CDKL1: variants seen among roughly 807,000 people sequenced by gnomAD.
The protein encoded by CDKL1 is cyclin-dependent kinase-like 1.
A neutral mutation model predicts 42.0 loss-of-function variants in CDKL1; 41 were observed. The ratio of observed to expected loss-of-function variants is 0.98; its 90% CI spans 0.76 to 1.27. CDKL1 has a LOEUF of 1.27. CDKL1 is among the 50% of genes most tolerant of loss of function. The probability of loss-of-function intolerance (pLI) is 0.00; values close to 1 mark genes in which losing one functional copy is unlikely to be tolerated. For synonymous variants in CDKL1, 153 were observed against 158.6 expected, an observed-to-expected ratio of 0.96 and a Z score of 0.26; for missense variants, 394 against 428.4, an observed-to-expected ratio of 0.92 and a Z score of 0.71.
rs772813990 is a variant in CDKL1, at chr14:50,341,074, TTCCTGGCCACAGAGGCAC to T, written c.595_612del (p.Val199_Gly204del). On this transcript the variant is annotated inframe_deletion, in exon 6 of 10. Transcript: ENST00000395834. Reference sequence around the variant, plus strand: ...AGATACAGCTGATCCACATCCGATTTTCCTGGCCACAGAGGCACTCCTGACAGCAGCTCAGCAAAGACA... The same window carrying T: ...AGATACAGCTGATCCACATCCGATTTTCCTGACAGCAGCTCAGCAAAGACA... The T allele has an allele frequency of 2.5e-6, 4 of 1,613,956 alleles. No homozygotes were observed. In the African/African-American group the frequency reaches 5.3e-5, roughly 22 times the overall value.
At chr14:50,340,956 GAGAA>G in intron 6 of CDKL1, 72 bp downstream of exon 6, 1 of 1,522,290 alleles carries the variant, frequency 6.6e-7, no homozygotes, top group Non-Finnish European at 8.9e-7. Context: ...AGGTGAGACT[GAGAA>G]CTTGGCTCTG....
chr14:50,346,677 G>A (rs1472863408), intron 3 of CDKL1, among the ~76,000 whole-genome samples: 1 of 144,216 alleles, frequency 6.9e-6, no homozygotes, highest in Non-Finnish European at 1.5e-5. Flanking sequence ...TTGAGATGGA[G>A]TCTTGCTCTG....
At chr14:50,375,204 C>A (rs2034696230) in intron 2 of CDKL1, among the ~76,000 whole-genome samples, 1 of 151,892 alleles carries the variant, frequency 6.6e-6, no homozygotes, top group African/African-American at 2.4e-5. Context: ...GTGTTAAAAC[C>A]CAAACCAAAG....
intron 3 of CDKL1, among the ~76,000 whole-genome samples, chr14:50,349,281 A>C (rs1206021474): frequency 6.6e-6 from 1 of 152,242 alleles, no homozygotes; most frequent in Non-Finnish European, 1.5e-5. Context: ...AAACAAGCCT[A>C]TATCCAAACA....
intron 2 of CDKL1, among the ~76,000 whole-genome samples, chr14:50,394,415 A>G (rs943054491): frequency 2.6e-5 from 4 of 152,196 alleles, no homozygotes; most frequent in Non-Finnish European, 4.4e-5. Context: ...CTAAATAGAG[A>G]AGTTGCCCTG....
rs2032747335 is a variant in CDKL1 at position 50,327,419 on chromosome 14, A to G, written c.*2655T>C. On this transcript the variant is annotated 3_prime_UTR_variant, in exon 10 of 10. Coordinates refer to ENST00000395834, the MANE Select transcript of CDKL1 (RefSeq NM_004196.7). ...ATGGCCCTGATTCTATTACTCTTAT[A>G]TGCCAGTTTGTTTATAGATTTCTGT... The G allele has an allele frequency of 6.8e-6, 1 of 146,904 alleles. No homozygotes were observed. The highest frequency in any genetic ancestry group is 2.5e-5 in the African/African-American group (1 of 39,912). 9.1% of individuals were successfully genotyped at this position (146,904 alleles called of 1,614,324 possible). A position where few individuals can be genotyped will look rare whatever the true frequency, so the allele number is the denominator to read the frequency against.
intron 3 of CDKL1, among the ~76,000 whole-genome samples, chr14:50,347,459 T>C (rs1314967782): frequency 6.6e-6 from 1 of 152,028 alleles, no homozygotes; most frequent in Non-Finnish European, 1.5e-5. Flanking sequence ...AGTGGTTAAG[T>C]GGTGAGAAGT....
In CDKL1 at chr14:50,334,632, GAA is replaced by G; in HGVS notation, c.739-13_739-12del. The stretch of plus-strand genomic sequence containing the variant: ...TAATTCAAGTGGTTCCTGTTGAAAA[GAA>G]AAGAGGTTTTTAATTTACAGCATGT... On this transcript the variant is annotated splice_polypyrimidine_tract_variant and intron_variant, in intron 7 of 9. Transcript: ENST00000395834. 3.9e-6 allele frequency: 6 copies of G among 1,537,626 alleles called. No homozygotes were observed. Among genetic ancestry groups the G allele is most frequent in the Non-Finnish European group, 5.4e-6 (6 of 1,110,390 alleles).
intron 2 of CDKL1, among the ~76,000 whole-genome samples, chr14:50,388,309 C>A (rs1033544575): frequency 6.6e-6 from 1 of 152,238 alleles, no homozygotes; most frequent in Non-Finnish European, 1.5e-5. Context: ...GTACTCTTAG[C>A]ATTTAGTGGA....
intron 3 of CDKL1, among the ~76,000 whole-genome samples, chr14:50,357,429 T>G (rs1253099707): frequency 6.6e-6 from 1 of 152,108 alleles, no homozygotes; most frequent in Non-Finnish European, 1.5e-5. Flanking sequence ...CCATTCACAG[T>G]CCATGGGATG....
chr14:50,334,522 A>T (rs1314334273), intron 8 of CDKL1, 43 bp downstream of exon 8: 1 of 1,089,982 alleles, frequency 9.2e-7, no homozygotes, highest in South Asian at 1.3e-5. Context: ...AGTGATGACA[A>T]CTGCTGTGTG....
At chr14:50,350,401 GC>G (rs1359430530) in intron 3 of CDKL1, among the ~76,000 whole-genome samples, 1 of 152,170 alleles carries the variant, frequency 6.6e-6, no homozygotes, top group Non-Finnish European at 1.5e-5. Flanking sequence ...CCCTTTAATA[GC>G]TCTTCTAGCT....
chr14:50,334,787 A>G (rs555824391), intron 7 of CDKL1, 166 bp from the exon 8 acceptor site: 4 of 567,904 alleles, frequency 7.0e-6, no homozygotes, highest in African/African-American at 3.8e-5. Flanking sequence ...CTTTTTCACA[A>G]GCTTTCTCTC....
At chr14:50,387,206 TAA>T (rs34024517) in intron 2 of CDKL1, among the ~76,000 whole-genome samples, 4 of 80,860 alleles carry the variant, frequency 4.9e-5, no homozygotes, top group Admixed American at 1.6e-4. Context: ...GACCCTGTCT[TAA>T]AAAAAAAAAA....
chr14:50,367,202 A>G (rs940721191), intron 2 of CDKL1, among the ~76,000 whole-genome samples: 1 of 152,226 alleles, frequency 6.6e-6, no homozygotes, highest in Non-Finnish European at 1.5e-5. Flanking sequence ...GGAAGTGGTC[A>G]GTGTTGACAG....
intron 3 of CDKL1, among the ~76,000 whole-genome samples, chr14:50,350,006 T>C (rs11570821): frequency 3.9e-5 from 6 of 152,244 alleles, no homozygotes; most frequent in Non-Finnish European, 7.3e-5. Flanking sequence ...CTCGAACGCC[T>C]GACCTCAGGT....
chr14:50,396,432 C>T (rs1231161613), intron 1 of CDKL1, 103 bp from the exon 2 acceptor site: 2 of 985,284 alleles, frequency 2.0e-6, no homozygotes, highest in African/African-American at 3.5e-5. Flanking sequence ...TCCAGTAACC[C>T]GATTTTAATC....
At chr14:50,339,623 T>G (rs1243031145) in intron 6 of CDKL1, among the ~76,000 whole-genome samples, 1 of 152,190 alleles carries the variant, frequency 6.6e-6, no homozygotes, top group Admixed American at 6.5e-5. Flanking sequence ...GGACCATCTT[T>G]TCTTATTTCA....
intron 2 of CDKL1, among the ~76,000 whole-genome samples, chr14:50,359,863 G>T (rs1488379390): frequency 1.4e-5 from 2 of 148,078 alleles, no homozygotes; most frequent in African/African-American, 5.0e-5. Flanking sequence ...CTTGTACCTA[G>T]CTTCCTGGCC....
Sources: gnomAD v4.1 joint callset for allele counts (sites outside exome capture counted in the v4.1 genomes callset) on GRCh38, gnomAD v4.1.1 for gene constraint, MANE v1.5 for transcripts, NCBI Gene and HGNC (gene_info 2026-07-23, HGNC 2026-07-21) for gene names.